Variants in FRMD3 observed in about 807,000 individuals in gnomAD.
FRMD3 encodes the protein FERM domain-containing protein 3.
A neutral mutation model predicts 70.2 loss-of-function variants in FRMD3; 33 were observed. The ratio of observed to expected loss-of-function variants is 0.47; its 90% CI spans 0.36 to 0.63. The LOEUF is 0.63. FRMD3 is among the 20% of genes least tolerant of loss of function. The pLI is 0.00. For missense variants in FRMD3, 632 were observed against 711.4 expected (o/e 0.89, Z 1.27); for synonymous variants, 279 against 255.9 (o/e 1.09, Z -0.86).
chr9:83,274,576 G>C (rs192623320), intron 13 of FRMD3, among the ~76,000 whole-genome samples: 8 of 152,232 alleles, frequency 5.3e-5, no homozygotes, highest in African/African-American at 1.9e-4. Flanking sequence ...GGAAGGAATT[G>C]GCACAGACAG....
At chr9:83,539,841 A>G (rs1829977868), upstream of FRMD3, among the ~76,000 whole-genome samples, 1 of 152,236 alleles carries the variant, frequency 6.6e-6, no homozygotes, top group Admixed American at 6.5e-5. Flanking sequence ...TGTTTTATGT[A>G]GCACTCAATA....
the FRMD3 span, among the ~76,000 whole-genome samples, chr9:83,543,918 C>T: frequency 4.9e-3 from 741 of 152,244 alleles, 8 homozygotes; most frequent in African/African-American, 0.017. Flanking sequence ...TCCTACTCCC[C>T]GCATAGCTGC....
intron 12 of FRMD3, among the ~76,000 whole-genome samples, chr9:83,297,033 TG>T (rs1834698068): frequency 6.6e-6 from 1 of 152,254 alleles, no homozygotes; most frequent in African/African-American, 2.4e-5. Context: ...TAGAAAGCCT[TG>T]GTTTCCATAA....
At chr9:83,293,798 G>T (rs762969834) in intron 12 of FRMD3, among the ~76,000 whole-genome samples, 1 of 152,192 alleles carries the variant, frequency 6.6e-6, no homozygotes, top group African/African-American at 2.4e-5. Context: ...ATTAGACCAG[G>T]TGACTCCTGC....
intron 1 of FRMD3, among the ~76,000 whole-genome samples, chr9:83,484,768 G>A (rs559967927): frequency 6.6e-6 from 1 of 152,292 alleles, no homozygotes; most frequent in Non-Finnish European, 1.5e-5. Context: ...AGACATGTAA[G>A]AGTATCAAAT....
chr9:83,568,199 CT>C, the FRMD3 span, among the ~76,000 whole-genome samples: 1 of 152,208 alleles, frequency 6.6e-6, no homozygotes, highest in South Asian at 2.1e-4. Context: ...TCTCATGAGA[CT>C]TATTCACTAT....
intron 3 of FRMD3, among the ~76,000 whole-genome samples, chr9:83,355,280 G>T (rs1436733827): frequency 6.6e-6 from 1 of 152,224 alleles, no homozygotes; most frequent in Non-Finnish European, 1.5e-5. Flanking sequence ...TACAGGAAAT[G>T]TCTGATGAAG....
intron 3 of FRMD3, among the ~76,000 whole-genome samples, chr9:83,354,839 C>T (rs1345887601): frequency 6.6e-6 from 1 of 152,066 alleles, no homozygotes; most frequent in African/African-American, 2.4e-5. Flanking sequence ...TTCCCATCCC[C>T]ACTCCAATCA....
chr9:83,380,234 A>G (rs1825313127), intron 2 of FRMD3, among the ~76,000 whole-genome samples: 1 of 152,234 alleles, frequency 6.6e-6, no homozygotes, highest in South Asian at 2.1e-4. Context: ...ACCACATTTC[A>G]AGACTTTTCT....
chr9:83,504,436 C>T (rs1479167692), intron 1 of FRMD3, among the ~76,000 whole-genome samples: 1 of 152,138 alleles, frequency 6.6e-6, no homozygotes, highest in Non-Finnish European at 1.5e-5. Context: ...TTCAAGTGAC[C>T]TATAAGACCC....
At chr9:83,489,022 G>A (rs549231996) in intron 1 of FRMD3, among the ~76,000 whole-genome samples, 134 of 146,836 alleles carry the variant, frequency 9.1e-4, no homozygotes, top group African/African-American at 3.3e-3. Flanking sequence ...GTGTGCTTGT[G>A]TGTGCGCACC....
At chr9:83,267,832 T>C (rs1388817490) in intron 13 of FRMD3, among the ~76,000 whole-genome samples, 1 of 152,204 alleles carries the variant, frequency 6.6e-6, no homozygotes, top group African/African-American at 2.4e-5. Flanking sequence ...ACATCTCAAT[T>C]CGAACCAGCT....
chr9:83,366,674 T>G (rs1298993574), intron 3 of FRMD3, among the ~76,000 whole-genome samples: 3 of 152,242 alleles, frequency 2.0e-5, no homozygotes, highest in Admixed American at 2.0e-4. Flanking sequence ...CACAAGCAAG[T>G]TGAATTCAGT....
chr9:83,393,515 A>G (rs12552660), intron 1 of FRMD3, among the ~76,000 whole-genome samples: 17,486 of 151,994 alleles, frequency 0.12, 1,231 homozygotes, highest in East Asian at 0.31. Flanking sequence ...TATTATTATT[A>G]TATTGTAATA....
intron 4 of FRMD3, among the ~76,000 whole-genome samples, chr9:83,348,069 A>G (rs1824020138): frequency 6.6e-6 from 1 of 152,174 alleles, no homozygotes; most frequent in African/African-American, 2.4e-5. Context: ...TTCAACAACA[A>G]AATGTCCATC....
intron 2 of FRMD3, among the ~76,000 whole-genome samples, chr9:83,377,383 G>A (rs1054037407): frequency 2.0e-5 from 3 of 152,206 alleles, no homozygotes; most frequent in Admixed American, 1.3e-4. Flanking sequence ...AGTATTTTCC[G>A]TGATGTTTTA....
chr9:83,561,658 C>T, the FRMD3 span, among the ~76,000 whole-genome samples: 2 of 152,140 alleles, frequency 1.3e-5, no homozygotes, highest in African/African-American at 2.4e-5. Flanking sequence ...TGGCAAAGGG[C>T]AAAATGAAAG....
chr9:83,378,758 A>AT (rs1825254964), intron 2 of FRMD3, among the ~76,000 whole-genome samples: 1 of 119,536 alleles, frequency 8.4e-6, no homozygotes, highest in Non-Finnish European at 1.6e-5. Context: ...TATAATATAT[A>AT]ATTTATATTA....
Position 83,538,023 on chromosome 9 carries a change from G to T in FRMD3, c.147+62C>A. 3.8e-6 allele frequency: 6 copies of T among 1,573,014 alleles called. No individual in the cohort carries two copies. Among genetic ancestry groups the T allele is most frequent in the Non-Finnish European group, 5.2e-6 (6 of 1,153,608 alleles). ...GGTTCCTTGTTCTCGCATGCCCACCGCAAAGGCCCCCCGCCCTGCTCCCGG... is the reference window on the plus strand; with the variant it reads ...GGTTCCTTGTTCTCGCATGCCCACCTCAAAGGCCCCCCGCCCTGCTCCCGG... On this transcript the variant is annotated intron_variant, in intron 1 of 13. Transcript: ENST00000304195. This position sits in a 1 kb window ranked among gnomAD's most constrained non-coding sequence, Gnocchi z 4.7.
Sources: gnomAD v4.1 joint callset for allele counts (sites outside exome capture counted in the v4.1 genomes callset) on GRCh38, gnomAD v4.1.1 for gene constraint, Gnocchi (gnomAD v3.1) non-coding constraint, MANE v1.5 for transcripts, NCBI Gene and HGNC (gene_info 2026-07-23, HGNC 2026-07-21) for gene names.